Variants in KCNU1 observed in about 807,000 individuals in gnomAD.
KCNU1 encodes potassium channel subfamily U member 1.
KCNU1 carries 93 observed loss-of-function variants against 126.8 expected under a neutral mutation model. The observed-to-expected ratio is 0.73, with a 90% CI of 0.62 to 0.87. The LOEUF (loss-of-function observed/expected upper bound fraction) is 0.87, where lower values mean the gene tolerates loss of function less well. KCNU1 is among the 40% of genes least tolerant of loss of function. The pLI is 0.00. For missense variants in KCNU1, 1,330 were observed against 1,367.1 expected, an observed-to-expected ratio of 0.97 and a Z score of 0.43; for synonymous variants, 523 against 494.2, an observed-to-expected ratio of 1.06 and a Z score of -0.77.
intron 19 of KCNU1, among the ~76,000 whole-genome samples, chr8:36,896,318 T>C (rs1414729308): frequency 2.0e-5 from 3 of 152,036 alleles, no homozygotes; most frequent in Non-Finnish European, 4.4e-5. Context: ...CTGTTCTAGA[T>C]AGTTAAGATG....
chr8:36,810,367 C>T (rs1803667829), intron 7 of KCNU1, among the ~76,000 whole-genome samples: 1 of 152,148 alleles, frequency 6.6e-6, no homozygotes, highest in Non-Finnish European at 1.5e-5. Flanking sequence ...TGCTCCACTC[C>T]TCTAAGGATG....
intron 18 of KCNU1, among the ~76,000 whole-genome samples, chr8:36,846,762 C>T (rs565481358): frequency 1.2e-4 from 18 of 147,280 alleles, no homozygotes; most frequent in African/African-American, 4.0e-4. Flanking sequence ...GATCATACCA[C>T]TGCACTCCAG....
chr8:36,855,092 C>G (rs1020094413), intron 18 of KCNU1, among the ~76,000 whole-genome samples: 2 of 152,064 alleles, frequency 1.3e-5, no homozygotes, highest in South Asian at 4.1e-4. Context: ...TGTATGAAAC[C>G]TCAAGGTCAG....
chr8:36,922,761 T>G, intron 24 of KCNU1, 132 bp downstream of exon 24: 1 of 906,358 alleles, frequency 1.1e-6, no homozygotes, highest in Non-Finnish European at 1.6e-6. Flanking sequence ...ACAAGCTTGT[T>G]CCCATACATT....
intron 24 of KCNU1, among the ~76,000 whole-genome samples, chr8:36,925,546 G>A (rs772642411): frequency 2.0e-5 from 3 of 152,086 alleles, no homozygotes; most frequent in Non-Finnish European, 2.9e-5. Flanking sequence ...TTTCCTTCTC[G>A]TTTCCCTTCT....
In KCNU1 at chr8:36,836,920, C is replaced by G. The variant is rs1430095106; in HGVS notation, c.1493C>G (p.Ser498Cys). 1 of 1,613,686 alleles carries G rather than the reference C, an allele frequency of 6.2e-7. No individual in the cohort carries two copies. Among genetic ancestry groups the G allele is most frequent in the Non-Finnish European group, 8.5e-7 (1 of 1,179,788 alleles). The change falls in exon 14 of 27, where the codon TCT becomes TGT. Residue 498 changes from serine to cysteine, a missense_variant. Ser to Cys is a moderately radical substitution (Grantham distance 112). This residue lies in a region of KCNU1 where 1,054 missense variants were observed against 1,053.9 expected (regional missense o/e 1.00). Coordinates refer to ENST00000399881, the MANE Select transcript of KCNU1 (RefSeq NM_001031836.3). Reference sequence around the variant, plus strand: ...CCAGGCTTGTGTACCTTCCTAACATCTCTATTTGTGGAGCAAAACAAAAAG... The same window carrying G: ...CCAGGCTTGTGTACCTTCCTAACATGTCTATTTGTGGAGCAAAACAAAAAG... Reference protein sequence around the residue: ...LVPGLCTFLTSLFVEQNKKVM... With the variant: ...LVPGLCTFLTCLFVEQNKKVM...
At position 36,792,843 on chromosome 8, in the gene KCNU1, G is replaced by A. The variant is rs893302750; in HGVS notation, c.315+5418G>A. On this transcript the variant is annotated intron_variant, in intron 2 of 26. Transcript: ENST00000399881. The stretch of plus-strand genomic sequence containing the variant: ...TTCTGCATATAATAAGTATATATAG[G>A]TATTGTTATTAATATTTGTATAAAC... Among the ~76,000 whole-genome samples the A allele has an allele frequency of 6.6e-5, 10 of 152,048 alleles. No individual in the cohort carries two copies. In the East Asian group the frequency reaches 1.9e-3, roughly 29 times the overall value.
At chr8:36,806,049 G>A (rs1410924345) in intron 4 of KCNU1, among the ~76,000 whole-genome samples, 1 of 152,006 alleles carries the variant, frequency 6.6e-6, no homozygotes, top group Non-Finnish European at 1.5e-5. Context: ...TCGCCATATT[G>A]GTCAGGCTGG....
intron 5 of KCNU1, among the ~76,000 whole-genome samples, chr8:36,807,114 TATA>T (rs1803530025): frequency 6.6e-6 from 1 of 152,186 alleles, no homozygotes; most frequent in South Asian, 2.1e-4. Flanking sequence ...TTGGTACTAT[TATA>T]ATAGTACCAT....
At chr8:36,820,497 A>T (rs2130488487) in intron 10 of KCNU1, among the ~76,000 whole-genome samples, 1 of 152,248 alleles carries the variant, frequency 6.6e-6, no homozygotes, top group South Asian at 2.1e-4. Context: ...TGTCACCAGC[A>T]ATAATATGGA....
At chr8:36,867,916 C>T (rs569545446) in intron 19 of KCNU1, among the ~76,000 whole-genome samples, 5 of 152,230 alleles carry the variant, frequency 3.3e-5, no homozygotes, top group Admixed American at 6.5e-5. Context: ...CCTAAATATG[C>T]TTTTGACCCC....
intron 19 of KCNU1, chr8:36,888,741 A>G (rs1314716275): frequency 3.7e-6 from 2 of 534,396 alleles, no homozygotes; most frequent in African/African-American, 3.8e-5. Context: ...AAAGAAGCCT[A>G]CAAGAAGTAT....
At chr8:36,821,663 A>G (rs1585415566) in intron 10 of KCNU1, among the ~76,000 whole-genome samples, 1 of 152,322 alleles carries the variant, frequency 6.6e-6, no homozygotes, top group East Asian at 1.9e-4. Context: ...ATGATGGCTA[A>G]TAGCAATTCC....
chr8:36,805,291 T>A lies in KCNU1; in HGVS notation c.468+6T>A, dbSNP rs1226341218. The stretch of plus-strand genomic sequence containing the variant: ...GTTTCTATTTTGGATTGAGGGTAAG[T>A]ACCTATTGAAAGTGGGAGTGAATAT... On this transcript the variant is annotated splice_donor_region_variant and intron_variant, in intron 4 of 26. Transcript: ENST00000399881. 1 of 1,544,192 alleles carries A rather than the reference T, an allele frequency of 6.5e-7. No individual in the cohort carries two copies. Among genetic ancestry groups the A allele is most frequent in the Non-Finnish European group, 8.9e-7 (1 of 1,125,140 alleles).
intron 10 of KCNU1, among the ~76,000 whole-genome samples, chr8:36,827,156 T>A: frequency 6.6e-6 from 1 of 152,184 alleles, no homozygotes; most frequent in Admixed American, 6.6e-5. Context: ...GAGAGTGTAT[T>A]TCTTTACTTC....
At chr8:36,806,839 G>A (rs562706408) in intron 5 of KCNU1, among the ~76,000 whole-genome samples, 20 of 152,206 alleles carry the variant, frequency 1.3e-4, no homozygotes, top group South Asian at 2.1e-4. Flanking sequence ...TATCAGTTTC[G>A]TGTAATTTTA....
chr8:36,805,189 T>C lies in KCNU1; in HGVS notation c.378-6T>C. ...TCTTCACAAACTGTCCTTCTTTCTT[T>C]TCCAGCCCTGTTGGAAGCTGTTCAT... On this transcript the variant is annotated splice_region_variant and splice_polypyrimidine_tract_variant and intron_variant, in intron 3 of 26. Coordinates refer to ENST00000399881, the MANE Select transcript of KCNU1 (RefSeq NM_001031836.3). The C allele has an allele frequency of 1.9e-6, 3 of 1,602,550 alleles. No homozygotes were observed. The highest frequency in any genetic ancestry group is 1.7e-6 in the Non-Finnish European group (2 of 1,171,476).
chr8:36,799,147 C>A (rs143964839), intron 2 of KCNU1, among the ~76,000 whole-genome samples: 488 of 152,264 alleles, frequency 3.2e-3, no homozygotes, highest in Admixed American at 4.9e-3. Context: ...AAATTCAATT[C>A]TCTTAAAATG....
At chr8:36,927,480 C>T (rs1327915968) in intron 24 of KCNU1, among the ~76,000 whole-genome samples, 2 of 152,256 alleles carry the variant, frequency 1.3e-5, no homozygotes, top group South Asian at 4.1e-4. Flanking sequence ...TAGATTTGAA[C>T]TTGGGGAGCA....
Sources: allele counts gnomAD v4.1 joint callset (sites outside exome capture counted in the v4.1 genomes callset), GRCh38; gene constraint gnomAD v4.1.1; regional missense constraint gnomAD v4.1.1; transcripts MANE v1.5; gene names NCBI Gene and HGNC (gene_info 2026-07-23, HGNC 2026-07-21).